DNM3: variants seen among roughly 807,000 people sequenced by gnomAD.
DNM3 encodes dynamin-3.
Under a neutral mutation model 101.6 loss-of-function variants are expected in DNM3, and 47 were observed. The ratio of observed to expected loss-of-function variants is 0.46; its 90% CI spans 0.37 to 0.59. The LOEUF (loss-of-function observed/expected upper bound fraction) is 0.59. DNM3 is among the 20% of genes least tolerant of loss of function. The probability of loss-of-function intolerance (pLI) is 0.00; values close to 1 mark genes in which losing one functional copy is unlikely to be tolerated. For missense variants in DNM3, 849 were observed against 1,085.7 expected (o/e 0.78, Z 3.06); for synonymous variants, 385 against 387.9 (o/e 0.99, Z 0.09).
intron 15 of DNM3, among the ~76,000 whole-genome samples, chr1:172,303,588 A>T (rs1003310109): frequency 6.6e-6 from 1 of 152,202 alleles, no homozygotes; most frequent in African/African-American, 2.4e-5. Context: ...CAGATTCACC[A>T]AAGTTCAAAT....
At position 172,313,767 on chromosome 1, in the gene DNM3, C is replaced by CATTTATTT. The variant is rs58904855; in HGVS notation, c.1881+4950_1881+4957dup. On this transcript the variant is annotated intron_variant, in intron 16 of 20. Transcript: ENST00000627582. ...GGTGAATGTGTTCAATGTCTCATAG[C>CATTTATTT]ATTTATTTATTTATTTATTTATTTA... Among the ~76,000 whole-genome samples the CATTTATTT allele has an allele frequency of 4.9e-3, 738 of 151,318 alleles. 4 individuals carry two copies. The highest frequency in any genetic ancestry group is 0.016 in the African/African-American group (641 of 41,046).
intron 13 of DNM3, among the ~76,000 whole-genome samples, chr1:172,093,259 T>G (rs966468522): frequency 2.0e-5 from 3 of 152,132 alleles, no homozygotes; most frequent in African/African-American, 7.2e-5. Context: ...AGTTCACACA[T>G]TTGCACAGCT....
chr1:172,356,455 T>A (rs2067456776), intron 17 of DNM3, among the ~76,000 whole-genome samples: 1 of 152,112 alleles, frequency 6.6e-6, no homozygotes, highest in Non-Finnish European at 1.5e-5. Flanking sequence ...TTATATAAGA[T>A]TTACTTATTT....
At chr1:172,133,682 AG>A (rs1294153128) in intron 14 of DNM3, among the ~76,000 whole-genome samples, 1 of 152,140 alleles carries the variant, frequency 6.6e-6, no homozygotes, top group African/African-American at 2.4e-5. Flanking sequence ...GTGATAGGGG[AG>A]GGGTCTTTAG....
chr1:172,078,036 T>A (rs765245109), intron 11 of DNM3, among the ~76,000 whole-genome samples: 18 of 152,290 alleles, frequency 1.2e-4, no homozygotes, highest in Non-Finnish European at 2.4e-4. Context: ...GTTGCATTGA[T>A]CCCTTTACCA....
At chr1:172,030,324 T>G (rs2048510890) in intron 4 of DNM3, among the ~76,000 whole-genome samples, 1 of 152,160 alleles carries the variant, frequency 6.6e-6, no homozygotes, top group Non-Finnish European at 1.5e-5. Context: ...TCCTATTTAA[T>G]AAATGGTGTT....
At chr1:172,023,404 C>T (rs1181560752) in intron 4 of DNM3, among the ~76,000 whole-genome samples, 1 of 152,044 alleles carries the variant, frequency 6.6e-6, no homozygotes. Flanking sequence ...ATATCTTTTC[C>T]TACTGTCACG....
chr1:172,328,721 G>C (rs563016113), intron 17 of DNM3, among the ~76,000 whole-genome samples: 2 of 152,068 alleles, frequency 1.3e-5, no homozygotes, highest in African/African-American at 4.8e-5. Flanking sequence ...GAAATAATCT[G>C]CACACCAAAC....
intron 2 of DNM3, among the ~76,000 whole-genome samples, chr1:171,936,824 A>G (rs1274451999): frequency 4.1e-5 from 1 of 24,402 alleles, no homozygotes; most frequent in Non-Finnish European, 9.8e-5. Flanking sequence ...GATACCCAGT[A>G]ACAGAAATCA....
Position 172,032,453 on chromosome 1 carries a change from C to T in DNM3, c.641C>T (p.Thr214Met), listed in dbSNP as rs755567627. Residue 214 changes from threonine to methionine, a missense_variant, in exon 5 of 21, where the codon ACG (threonine) becomes ATG (methionine). Around this residue, in one of 5 missense-constraint regions of DNM3, gnomAD observed 388 missense variants for 483.0 expected, o/e 0.80. Coordinates refer to ENST00000627582, the MANE Select transcript of DNM3 (RefSeq NM_015569.5). ...AAACTGGACCTTATGGATGAAGGAA[C>T]GGATGCCAGGGATGTTCTAGAGAAC... ...ITKLDLMDEG[T>M]DARDVLENKL... 5.0e-6 allele frequency: 8 copies of T among 1,607,290 alleles called. No individual in the cohort carries two copies. The highest frequency in any genetic ancestry group is 4.1e-5 in the African/African-American group (3 of 73,848).
At chr1:172,367,954 G>GTT (rs2068111388) in intron 17 of DNM3, among the ~76,000 whole-genome samples, 1 of 151,796 alleles carries the variant, frequency 6.6e-6, no homozygotes, top group Non-Finnish European at 1.5e-5. Context: ...AGATCTGACG[G>GTT]TTTTATAAGG....
intron 13 of DNM3, among the ~76,000 whole-genome samples, chr1:172,130,260 T>A (rs79009216): frequency 0.013 from 1,947 of 152,272 alleles, 37 homozygotes; most frequent in African/African-American, 0.045. Flanking sequence ...CTTAGAACAA[T>A]ATCATCCAAT....
At chr1:172,270,935 C>A (rs544791841) in intron 15 of DNM3, among the ~76,000 whole-genome samples, 12 of 152,230 alleles carry the variant, frequency 7.9e-5, no homozygotes, top group Non-Finnish European at 1.6e-4. Context: ...TAAATCCACA[C>A]CTCACTGAAA....
chr1:172,219,652 C>T (rs116441229), intron 14 of DNM3, among the ~76,000 whole-genome samples: 242 of 152,158 alleles, frequency 1.6e-3, no homozygotes, highest in African/African-American at 5.6e-3. Context: ...ACGCAAAAGA[C>T]TCAATCTGAG....
chr1:172,268,925 A>G (rs762701275), intron 15 of DNM3, among the ~76,000 whole-genome samples: 3 of 152,192 alleles, frequency 2.0e-5, no homozygotes, highest in African/African-American at 4.8e-5. Context: ...CTTCATGCTT[A>G]AAACACCTGT....
chr1:172,120,567 G>A (rs530746513), intron 13 of DNM3, among the ~76,000 whole-genome samples: 7 of 152,158 alleles, frequency 4.6e-5, no homozygotes, highest in African/African-American at 9.7e-5. Flanking sequence ...CTCCAGGCAC[G>A]CCTGGTAGGA....
chr1:172,279,909 A>C (rs2063423952), intron 15 of DNM3, among the ~76,000 whole-genome samples: 1 of 152,146 alleles, frequency 6.6e-6, no homozygotes, highest in African/African-American at 2.4e-5. Flanking sequence ...AAAATAGATC[A>C]GATCCTATCA....
At chr1:172,206,157 A>T (rs1368369537) in intron 14 of DNM3, among the ~76,000 whole-genome samples, 1 of 152,136 alleles carries the variant, frequency 6.6e-6, no homozygotes, top group Admixed American at 6.6e-5. Context: ...GCAAAATTCG[A>T]ATTTTTACTT....
chr1:172,154,639 A>G (rs899573039), intron 14 of DNM3, among the ~76,000 whole-genome samples: 1 of 152,108 alleles, frequency 6.6e-6, no homozygotes, highest in Admixed American at 6.6e-5. Context: ...CACCCCGTAA[A>G]TGTATTTTGG....
Sources: gnomAD v4.1 joint callset for allele counts (sites outside exome capture counted in the v4.1 genomes callset) on GRCh38, gnomAD v4.1.1 for gene constraint, gnomAD v4.1.1 regional missense constraint, MANE v1.5 for transcripts, NCBI Gene and HGNC (gene_info 2026-07-23, HGNC 2026-07-21) for gene names.